The following CEP112 variants were observed in gnomAD, a reference collection of about 807,000 sequenced individuals.
CEP112 encodes the protein centrosomal protein of 112 kDa.
Under a neutral mutation model 153.0 loss-of-function variants are expected in CEP112, and 127 were observed. The ratio of observed to expected loss-of-function variants is 0.83; its 90% CI spans 0.72 to 0.96. The LOEUF is 0.96. CEP112 is among the 40% of genes least tolerant of loss of function. The probability of loss-of-function intolerance (pLI) is 0.00; values close to 1 mark genes in which losing one functional copy is unlikely to be tolerated. For synonymous variants in CEP112, 358 were observed against 374.4 expected (o/e 0.96, Z 0.51); for missense variants, 1,089 against 1,101.2 (o/e 0.99, Z 0.16).
intron 6 of CEP112, among the ~76,000 whole-genome samples, chr17:66,125,389 G>A (rs922891906): frequency 2.0e-5 from 3 of 152,068 alleles, no homozygotes; most frequent in Non-Finnish European, 4.4e-5. Context: ...GCATGGTGGT[G>A]TGCACCACCA....
chr17:65,709,445 G>A (rs1207155043), intron 23 of CEP112, among the ~76,000 whole-genome samples: 1 of 152,142 alleles, frequency 6.6e-6, no homozygotes, highest in Non-Finnish European at 1.5e-5. Context: ...AGAAAAGAGA[G>A]AGAATGAGAG....
intron 21 of CEP112, among the ~76,000 whole-genome samples, chr17:65,806,254 T>A (rs1050659745): frequency 6.6e-6 from 1 of 152,174 alleles, no homozygotes; most frequent in Non-Finnish European, 1.5e-5. Context: ...ACAGTAATAA[T>A]AAATCATAAG....
chr17:66,163,773 A>C (rs2071814914), intron 4 of CEP112, among the ~76,000 whole-genome samples: 1 of 152,186 alleles, frequency 6.6e-6, no homozygotes, highest in African/African-American at 2.4e-5. Flanking sequence ...AACACTCAAT[A>C]TTTAAATTTC....
At chr17:65,718,849 T>C (rs1215689070) in intron 23 of CEP112, among the ~76,000 whole-genome samples, 7 of 152,196 alleles carry the variant, frequency 4.6e-5, no homozygotes, top group Non-Finnish European at 1.0e-4. Flanking sequence ...ATTGTTCTCT[T>C]AGCCCTAAAA....
intron 21 of CEP112, among the ~76,000 whole-genome samples, chr17:65,800,524 G>A (rs543122128): frequency 1.3e-5 from 2 of 152,056 alleles, no homozygotes; most frequent in African/African-American, 2.4e-5. Flanking sequence ...CTGGGAATTT[G>A]GGTTGCTTAT....
intron 17 of CEP112, among the ~76,000 whole-genome samples, chr17:65,966,562 C>T (rs568778453): frequency 1.2e-4 from 19 of 152,318 alleles, no homozygotes; most frequent in African/African-American, 4.6e-4. Flanking sequence ...TGAAAAACAG[C>T]TAGAAGAGTC....
rs754616289 is a variant in CEP112 at position 65,851,967 on chromosome 17, C to T, written c.2231G>A (p.Arg744Gln). The T allele has an allele frequency of 4.3e-5, 70 of 1,613,938 alleles. No homozygotes were observed. Among genetic ancestry groups the T allele is most frequent in the Admixed American group, 2.3e-4 (14 of 60,002 alleles). ...REELINVNSQ[R>Q]KQQLVELGLL... ...ACCAAGCTCTACCAGCTGCTGTTTC[C>T]GCTGTGAGTTCACATTGATCAATTC... The change falls in exon 21 of 27, where the codon CGG (arginine) becomes CAG (glutamine). Residue 744 changes from arginine to glutamine, a missense_variant. By Grantham distance (43) the Arg-to-Gln change is conservative. Coordinates refer to ENST00000535342, the MANE Select transcript of CEP112 (RefSeq NM_001199165.4).
At chr17:65,663,345 C>T (rs2046495558) in intron 24 of CEP112, among the ~76,000 whole-genome samples, 1 of 152,102 alleles carries the variant, frequency 6.6e-6, no homozygotes, top group Admixed American at 6.5e-5. Flanking sequence ...CTTTAAATGT[C>T]CCTTATGGCA....
At chr17:66,009,204 T>C (rs1046903382) in intron 16 of CEP112, among the ~76,000 whole-genome samples, 2 of 150,884 alleles carry the variant, frequency 1.3e-5, no homozygotes, top group African/African-American at 4.9e-5. Flanking sequence ...TGTGTGTGTG[T>C]GTGTGTGTGT....
intron 21 of CEP112, among the ~76,000 whole-genome samples, chr17:65,796,240 T>C (rs1338144183): frequency 6.6e-6 from 1 of 152,178 alleles, no homozygotes; most frequent in Non-Finnish European, 1.5e-5. Flanking sequence ...GTTATGTAGA[T>C]ATGTTTGTCT....
intron 17 of CEP112, among the ~76,000 whole-genome samples, chr17:65,992,399 A>C (rs1382809660): frequency 6.6e-6 from 1 of 152,182 alleles, no homozygotes; most frequent in African/African-American, 2.4e-5. Flanking sequence ...TATGCATATT[A>C]AGCAAGAAAA....
Position 66,137,289 on chromosome 17 carries a change from T to C in CEP112, c.471-4526A>G, listed in dbSNP as rs548421278. 5.9e-5 allele frequency among the ~76,000 whole-genome samples: 9 copies of C among 152,008 alleles called. 1 individual carries two copies. The East Asian group carries it at 1.2e-3, about 20-fold the overall frequency. ...AGACAGGACATTTGAAATTATACAT[T>C]CCACAAGAGCAAAAATGTTTTTAAA... On this transcript the variant is annotated intron_variant, in intron 4 of 26. Transcript: ENST00000535342.
chr17:66,107,996 A>G (rs1420598215), intron 6 of CEP112, among the ~76,000 whole-genome samples: 1 of 152,140 alleles, frequency 6.6e-6, no homozygotes, highest in Non-Finnish European at 1.5e-5. Flanking sequence ...CAATCCATAT[A>G]TTTACAGTGA....
rs567644951 is a variant in CEP112, at chr17:65,866,169, G to A, written c.2164-14135C>T. Among the ~76,000 whole-genome samples, 9 of 152,314 alleles carry A rather than the reference G, an allele frequency of 5.9e-5. No individual in the cohort carries two copies. In the East Asian group the frequency reaches 1.2e-3, roughly 20 times the overall value. On this transcript the variant is annotated intron_variant, in intron 20 of 26. Transcript: ENST00000535342. ...CCATTTCCCCAACAGGGTCAGAGATGTCTGCTCCCACTGCCTGGCCTCTCC... is the reference window on the plus strand; with the variant it reads ...CCATTTCCCCAACAGGGTCAGAGATATCTGCTCCCACTGCCTGGCCTCTCC...
chr17:66,154,644 C>A (rs911090548), intron 4 of CEP112, among the ~76,000 whole-genome samples: 2 of 152,124 alleles, frequency 1.3e-5, no homozygotes, highest in African/African-American at 2.4e-5. Context: ...GTACCACATA[C>A]CTAAATGAGA....
intron 17 of CEP112, among the ~76,000 whole-genome samples, chr17:65,996,167 T>C (rs1254078944): frequency 7.4e-6 from 1 of 134,886 alleles, no homozygotes; most frequent in East Asian, 2.2e-4. Context: ...TGTGTGTGTG[T>C]AGTACAATAA....
intron 12 of CEP112, among the ~76,000 whole-genome samples, chr17:66,034,974 A>ATGTGTGTGTGTGTGTGTGTGGG (rs1568411223): frequency 2.7e-5 from 1 of 36,618 alleles, no homozygotes; most frequent in African/African-American, 1.2e-4. Context: ...AAGTTTTTGC[A>ATGTGTGTGTGTGTGTGTGTGGG]TGTATATATA....
intron 23 of CEP112, among the ~76,000 whole-genome samples, chr17:65,740,488 G>A (rs1187910949): frequency 1.3e-5 from 2 of 152,124 alleles, no homozygotes; most frequent in Non-Finnish European, 2.9e-5. Context: ...AAGTTATATT[G>A]CACCTGACTG....
At chr17:65,926,522 G>A (rs981611081) in intron 19 of CEP112, among the ~76,000 whole-genome samples, 4 of 152,052 alleles carry the variant, frequency 2.6e-5, no homozygotes, top group Non-Finnish European at 4.4e-5. Context: ...AAACCAGCCT[G>A]GCCAACATGG....
Sources: allele counts gnomAD v4.1 joint callset (sites outside exome capture counted in the v4.1 genomes callset), GRCh38; gene constraint gnomAD v4.1.1; transcripts MANE v1.5; gene names NCBI Gene and HGNC (gene_info 2026-07-23, HGNC 2026-07-21).